Variants in RASGRF2 observed in about 807,000 individuals in gnomAD.
The protein encoded by RASGRF2 is Ras protein specific guanine nucleotide releasing factor 2.
RASGRF2 carries 76 observed loss-of-function variants against 151.0 expected under a neutral mutation model. The observed-to-expected ratio is 0.50, with a 90% CI of 0.42 to 0.61. The LOEUF (loss-of-function observed/expected upper bound fraction) is 0.61, where lower values mean the gene tolerates loss of function less well. RASGRF2 is among the 20% of genes least tolerant of loss of function. RASGRF2 has a pLI of 0.00. For synonymous variants in RASGRF2, 504 were observed against 566.5 expected (o/e 0.89, Z 1.57); for missense variants, 1,148 against 1,564.6 (o/e 0.73, Z 4.49).
intron 18 of RASGRF2, among the ~76,000 whole-genome samples, chr5:81,184,441 T>C (rs1012367397): frequency 5.9e-5 from 9 of 152,182 alleles, no homozygotes; most frequent in Non-Finnish European, 8.8e-5. Flanking sequence ...TCACGTATGA[T>C]CTATAGCAAT....
At chr5:81,052,072 C>T (rs111935371) in intron 2 of RASGRF2, among the ~76,000 whole-genome samples, 1 of 152,126 alleles carries the variant, frequency 6.6e-6, no homozygotes, top group African/African-American at 2.4e-5. Flanking sequence ...ATAGTTGTAT[C>T]TGTATTCTTG....
chr5:81,006,160 A>G (rs1224731404), intron 1 of RASGRF2, among the ~76,000 whole-genome samples: 1 of 152,166 alleles, frequency 6.6e-6, no homozygotes, highest in Non-Finnish European at 1.5e-5. Context: ...TATAGAACCA[A>G]CCTTACTCAA....
chr5:81,092,107 G>GT (rs2112499633), intron 9 of RASGRF2, among the ~76,000 whole-genome samples: 1 of 152,260 alleles, frequency 6.6e-6, no homozygotes, highest in African/African-American at 2.4e-5. Context: ...TATAAAGTCT[G>GT]TGTATAGCTT....
intron 19 of RASGRF2, among the ~76,000 whole-genome samples, chr5:81,202,673 T>A (rs191537568): frequency 1.1e-4 from 16 of 152,306 alleles, no homozygotes; most frequent in African/African-American, 3.1e-4. Context: ...TGTAATCAGT[T>A]AAGATGAGGT....
intron 18 of RASGRF2, among the ~76,000 whole-genome samples, chr5:81,182,111 C>T (rs926099673): frequency 6.6e-6 from 1 of 152,264 alleles, no homozygotes; most frequent in Middle Eastern, 3.4e-3. Flanking sequence ...TGCAGCTGTG[C>T]TTATACATGA....
chr5:80,967,459 A>T (rs1376438420), intron 1 of RASGRF2, among the ~76,000 whole-genome samples: 1 of 152,236 alleles, frequency 6.6e-6, no homozygotes, highest in Non-Finnish European at 1.5e-5. Context: ...AATTAAAAAA[A>T]AATTCAGGTC....
chr5:81,098,749 T>C (rs1164359697), intron 12 of RASGRF2, among the ~76,000 whole-genome samples: 1 of 152,208 alleles, frequency 6.6e-6, no homozygotes, highest in Non-Finnish European at 1.5e-5. Context: ...GAGCCTAGCC[T>C]GCTGCCCAGA....
chr5:81,125,382 C>T (rs1753424709), intron 16 of RASGRF2, among the ~76,000 whole-genome samples: 4 of 152,120 alleles, frequency 2.6e-5, no homozygotes. Context: ...GGATATTAGC[C>T]CTTGGGGCTT....
chr5:81,094,147 G>A, intron 10 of RASGRF2, 149 bp from the exon 11 acceptor site: 1 of 601,144 alleles, frequency 1.7e-6, no homozygotes, highest in African/African-American at 1.9e-5. Flanking sequence ...GCACATCTAA[G>A]TTTAATTTTG....
intron 1 of RASGRF2, among the ~76,000 whole-genome samples, chr5:80,988,317 C>A (rs1580171483): frequency 1.3e-5 from 2 of 152,134 alleles, no homozygotes; most frequent in Middle Eastern, 6.8e-3. Flanking sequence ...TCCCAAAGTG[C>A]TGGGATTACA....
At chr5:81,211,080 G>C (rs528059278) in intron 22 of RASGRF2, among the ~76,000 whole-genome samples, 1 of 151,096 alleles carries the variant, frequency 6.6e-6, no homozygotes, top group South Asian at 2.1e-4. Flanking sequence ...GGACATCGAG[G>C]CTCCGGTGAG....
intron 12 of RASGRF2, among the ~76,000 whole-genome samples, chr5:81,097,710 G>C (rs941484218): frequency 1.3e-5 from 2 of 152,154 alleles, no homozygotes; most frequent in African/African-American, 4.8e-5. Flanking sequence ...AGACTGTAAA[G>C]TAGGAGGATG....
intron 1 of RASGRF2, among the ~76,000 whole-genome samples, chr5:80,983,699 G>A (rs1484377459): frequency 3.9e-5 from 6 of 152,212 alleles, no homozygotes; most frequent in Non-Finnish European, 8.8e-5. Context: ...CACTTGAAAT[G>A]TGACTAGTCC....
chr5:81,037,506 A>G, intron 1 of RASGRF2, among the ~76,000 whole-genome samples: 1 of 152,130 alleles, frequency 6.6e-6, no homozygotes, highest in East Asian at 1.9e-4. Flanking sequence ...CTCTTCTGAA[A>G]TTTCATGATG....
rs1229737680 is a variant in RASGRF2, at chr5:81,228,800, T to C, written c.*3030T>C. On this transcript the variant is annotated 3_prime_UTR_variant, in exon 27 of 27. Coordinates refer to ENST00000265080, the MANE Select transcript of RASGRF2 (RefSeq NM_006909.3). ...AACGTCGTCACTTTTCCTTAGTGCT[T>C]TTCTGAAGGAATTTAAAGACGGAAT... The C allele has an allele frequency of 6.6e-6, 1 of 152,236 alleles. No homozygotes were observed. Among genetic ancestry groups the C allele is most frequent in the African/African-American group, 2.4e-5 (1 of 41,460 alleles). 9.4% of individuals were successfully genotyped at this position (152,236 alleles called of 1,614,324 possible).
chr5:81,060,218 T>C (rs1175163891), intron 2 of RASGRF2, among the ~76,000 whole-genome samples: 1 of 152,186 alleles, frequency 6.6e-6, no homozygotes, highest in Non-Finnish European at 1.5e-5. Flanking sequence ...CAATGTGAGA[T>C]TTGGGTGTGA....
At chr5:81,168,456 G>A (rs746986892) in intron 17 of RASGRF2, among the ~76,000 whole-genome samples, 6 of 151,628 alleles carry the variant, frequency 4.0e-5, no homozygotes, top group South Asian at 4.2e-4. Flanking sequence ...GGCTACAGGC[G>A]CACACCGCCA....
At chr5:81,062,017 A>ACC (rs1169383279) in intron 2 of RASGRF2, among the ~76,000 whole-genome samples, 1 of 66,042 alleles carries the variant, frequency 1.5e-5, no homozygotes, top group Admixed American at 1.3e-4. Flanking sequence ...AAAAAAAAAA[A>ACC]AAAAAAACTG....
chr5:81,108,623 A>G (rs997738586), intron 12 of RASGRF2, among the ~76,000 whole-genome samples: 2 of 152,262 alleles, frequency 1.3e-5, no homozygotes, highest in African/African-American at 4.8e-5. Flanking sequence ...TAGCAAGAGC[A>G]ATCATGGTCA....
Sources: allele counts gnomAD v4.1 joint callset (sites outside exome capture counted in the v4.1 genomes callset), GRCh38; gene constraint gnomAD v4.1.1; transcripts MANE v1.5; gene names NCBI Gene and HGNC (gene_info 2026-07-23, HGNC 2026-07-21).